RMDN2: variants seen among roughly 807,000 people sequenced by gnomAD.
The protein encoded by RMDN2 is regulator of microtubule dynamics 2.
RMDN2 carries 61 observed loss-of-function variants against 52.8 expected under a neutral mutation model. The observed-to-expected ratio is 1.16, with a 90% CI of 0.94 to 1.43. The LOEUF (loss-of-function observed/expected upper bound fraction) is 1.43. Ranked by LOEUF, RMDN2 falls within the 40% of genes most tolerant of loss-of-function variation. The pLI is 0.00. For synonymous variants in RMDN2, 180 were observed against 153.1 expected (o/e 1.18, Z -1.30); for missense variants, 592 against 475.3 (o/e 1.25, Z -2.28).
intron 2 of RMDN2, among the ~76,000 whole-genome samples, chr2:37,931,325 C>G (rs1263093121): frequency 1.3e-5 from 2 of 152,182 alleles, no homozygotes; most frequent in African/African-American, 4.8e-5. Flanking sequence ...CTAATAATGA[C>G]AAAAATCCCA....
At chr2:37,921,321 TTTC>T (rs1203457066), upstream of RMDN2, among the ~76,000 whole-genome samples, 22 of 152,230 alleles carry the variant, frequency 1.4e-4, no homozygotes, top group Non-Finnish European at 2.5e-4. Context: ...TCCAAGTTAG[TTTC>T]TTTTCAGAAA....
chr2:37,999,243 C>A (rs1277406556), intron 8 of RMDN2, among the ~76,000 whole-genome samples: 1 of 152,144 alleles, frequency 6.6e-6, no homozygotes, highest in Admixed American at 6.5e-5. Context: ...CTACCACTTA[C>A]CAGCTGATTA....
chr2:37,968,754 T>C (rs1433866691), intron 2 of RMDN2, among the ~76,000 whole-genome samples: 2 of 152,132 alleles, frequency 1.3e-5, no homozygotes, highest in Admixed American at 1.3e-4. Context: ...GTAAGCAAAT[T>C]TGACATCTTA....
At chr2:38,034,819 T>A (rs578215817) in intron 10 of RMDN2, among the ~76,000 whole-genome samples, 6 of 71,002 alleles carry the variant, frequency 8.5e-5, no homozygotes, top group Non-Finnish European at 1.4e-4. Flanking sequence ...TTTTCTTGAT[T>A]TTAAAATTTA....
At chr2:38,066,179 T>C (rs1271259067) in intron 10 of RMDN2, among the ~76,000 whole-genome samples, 1 of 152,220 alleles carries the variant, frequency 6.6e-6, no homozygotes. Context: ...CAATAATGCA[T>C]TAGAGTTTAG....
chr2:38,018,873 T>C (rs1679116692), downstream of RMDN2, among the ~76,000 whole-genome samples: 1 of 152,164 alleles, frequency 6.6e-6, no homozygotes, highest in African/African-American at 2.4e-5. Flanking sequence ...AATACATGGG[T>C]GCACATGCAC....
intron 2 of RMDN2, among the ~76,000 whole-genome samples, chr2:37,945,509 C>G (rs1668149113): frequency 1.3e-5 from 2 of 152,144 alleles, no homozygotes; most frequent in African/African-American, 4.8e-5. Context: ...TCTGGGTACC[C>G]CGATACCTTG....
rs1678951377 is a variant in RMDN2 at position 38,017,396 on chromosome 2, A to G, written c.*157A>G. ...CTGCAGAATGCATTCCACTAGTAGC[A>G]CTACAAAATTAATTATGTTATTTGG... On this transcript the variant is annotated 3_prime_UTR_variant, in exon 11 of 11. Coordinates refer to ENST00000354545, the MANE Select transcript of RMDN2 (RefSeq NM_001170791.3). 7.3e-7 allele frequency: 1 copy of G among 1,360,634 alleles called. No homozygotes were observed. Among genetic ancestry groups the G allele is most frequent in the African/African-American group, 1.5e-5 (1 of 67,814 alleles). The allele number at this position is 1,360,634 out of a possible 1,614,324, so 84.3% of individuals were successfully genotyped here.
intron 4 of RMDN2, among the ~76,000 whole-genome samples, chr2:37,977,945 G>A (rs1032112754): frequency 1.3e-5 from 2 of 152,130 alleles, no homozygotes; most frequent in Admixed American, 6.5e-5. Context: ...CTGCAATCTC[G>A]ACACTTTGGG....
At chr2:37,941,937 G>A (rs1667824151) in intron 2 of RMDN2, among the ~76,000 whole-genome samples, 1 of 73,124 alleles carries the variant, frequency 1.4e-5, no homozygotes, top group Non-Finnish European at 2.5e-5. Context: ...GTGCCACTGG[G>A]GTACCAAAAA....
At chr2:37,925,535 GT>G (rs1666196394) in intron 1 of RMDN2, 110 bp downstream of exon 1, 1 of 152,428 alleles carries the variant, frequency 6.6e-6, no homozygotes, top group African/African-American at 2.4e-5. Context: ...GCACTTCCGG[GT>G]CGGTGTGTCC....
rs770626232 is a variant in RMDN2, at chr2:37,989,540, G to A, written c.792-1G>A. On this transcript the variant is annotated splice_acceptor_variant, in intron 5 of 10. Coordinates refer to ENST00000354545, the MANE Select transcript of RMDN2 (RefSeq NM_001170791.3). LOFTEE classifies it high-confidence loss of function. ...TTTTTGTCTGTTTTTGTCCTTTTCA[G>A]GTATGCAGTTTTGTGTGGCTATGTA... 14 of 1,608,008 alleles carry A rather than the reference G, an allele frequency of 8.7e-6. No homozygotes were observed. Among genetic ancestry groups the A allele is most frequent in the Non-Finnish European group, 1.1e-5 (13 of 1,177,028 alleles).
intron 2 of RMDN2, among the ~76,000 whole-genome samples, chr2:37,946,772 A>G (rs569421264): frequency 2.6e-4 from 39 of 152,264 alleles, no homozygotes; most frequent in Middle Eastern, 3.4e-3. Flanking sequence ...CTGGTGATTG[A>G]ATTGATCCAG....
At chr2:38,021,986 G>A (rs1442739296), downstream of RMDN2, among the ~76,000 whole-genome samples, 5 of 152,190 alleles carry the variant, frequency 3.3e-5, no homozygotes, top group African/African-American at 1.2e-4. Flanking sequence ...AATCCAGTGA[G>A]GGAGGTGTTC....
intron 10 of RMDN2, among the ~76,000 whole-genome samples, chr2:38,011,225 T>A (rs1425826367): frequency 6.6e-6 from 1 of 152,204 alleles, no homozygotes; most frequent in African/African-American, 2.4e-5. Context: ...AACATGTTCT[T>A]GGTTTTTGGA....
At chr2:37,952,308 A>T (rs1488632149) in intron 2 of RMDN2, 2 of 1,023,024 alleles carry the variant, frequency 2.0e-6, no homozygotes, top group Admixed American at 4.5e-5. Flanking sequence ...CTTTCCTCAC[A>T]AAGCTTCACT....
intron 8 of RMDN2, chr2:37,997,760 G>T (rs1019723878): frequency 2.4e-6 from 1 of 418,584 alleles, no homozygotes; most frequent in Non-Finnish European, 4.3e-6. Context: ...TAACCCAGCA[G>T]CCTAAATGAA....
chr2:38,047,830 T>G (rs991669732), intron 10 of RMDN2, among the ~76,000 whole-genome samples: 63 of 152,348 alleles, frequency 4.1e-4, no homozygotes, highest in Non-Finnish European at 7.3e-4. Context: ...GTGTGGCTCT[T>G]CTTTCTCTTT....
rs1296982169 is a variant in RMDN2, at chr2:37,991,206, G to T, written c.868-14G>T. 6.6e-7 allele frequency: 1 copy of T among 1,506,746 alleles called. No individual in the cohort carries two copies. The highest frequency in any genetic ancestry group is 9.0e-7 in the Non-Finnish European group (1 of 1,106,044). 93.3% of individuals were successfully genotyped at this position (1,506,746 alleles called of 1,614,324 possible). On this transcript the variant is annotated splice_polypyrimidine_tract_variant and intron_variant, in intron 6 of 10. Transcript: ENST00000354545. ...AAACTTGGGAGATGATTTTCCTTTG[G>T]ATGCTTTTTTCAGGAACATCTAGAT...
Sources: gnomAD v4.1 joint callset for allele counts (sites outside exome capture counted in the v4.1 genomes callset) on GRCh38, gnomAD v4.1.1 for gene constraint, MANE v1.5 for transcripts, NCBI Gene and HGNC (gene_info 2026-07-23, HGNC 2026-07-21) for gene names.